Variants in PLCG2 observed in about 807,000 individuals in gnomAD.
The protein encoded by PLCG2 is phospholipase C gamma 2, also known as 1-phosphatidylinositol 4,5-bisphosphate phosphodiesterase gamma-2.
PLCG2 carries 69 observed loss-of-function variants against 175.6 expected under a neutral mutation model. That is an observed-to-expected ratio of 0.39 (90% CI 0.32 to 0.48). PLCG2 has a LOEUF of 0.48. Ranked by LOEUF, PLCG2 falls within the 20% of genes least tolerant of loss-of-function variation. PLCG2 has a pLI of 0.91. For missense variants in PLCG2, 1,798 were observed against 1,650.9 expected (o/e 1.09, Z -1.54); for synonymous variants, 827 against 624.0 (o/e 1.33, Z -4.85).
chr16:81,838,636 G>T lies in PLCG2; in HGVS notation c.194-15808G>T, dbSNP rs532469648. On this transcript the variant is annotated intron_variant, in intron 2 of 32. Coordinates refer to ENST00000564138, the MANE Select transcript of PLCG2 (RefSeq NM_002661.5). Reference sequence around the variant, plus strand: ...GGGTGGGGGCAAGGGGAGGGAGAGCGTTAGGACAAATACCTAATGCCTGCA... The same window carrying T: ...GGGTGGGGGCAAGGGGAGGGAGAGCTTTAGGACAAATACCTAATGCCTGCA... 5.3e-5 allele frequency among the ~76,000 whole-genome samples: 8 copies of T among 152,080 alleles called. No individual in the cohort carries two copies. In the East Asian group the frequency reaches 1.4e-3, roughly 26 times the overall value.
intron 4 of PLCG2, 22 bp downstream of exon 4, chr16:81,858,378 AT>A: frequency 6.5e-7 from 1 of 1,544,638 alleles, no homozygotes; most frequent in Non-Finnish European, 9.0e-7. Context: ...TTGCCTGTTG[AT>A]TTGCGTAGTT....
At chr16:81,809,345 C>A (rs932771556) in intron 2 of PLCG2, among the ~76,000 whole-genome samples, 1 of 152,066 alleles carries the variant, frequency 6.6e-6, no homozygotes, top group Non-Finnish European at 1.5e-5. Context: ...CAGATCAATA[C>A]CCCAGCTCCC....
At chr16:81,791,604 A>C (rs1911234067) in intron 2 of PLCG2, among the ~76,000 whole-genome samples, 1 of 152,120 alleles carries the variant, frequency 6.6e-6, no homozygotes, top group Non-Finnish European at 1.5e-5. Flanking sequence ...AATCTCTGTC[A>C]CCCAGGCTGG....
intron 2 of PLCG2, among the ~76,000 whole-genome samples, chr16:81,815,222 G>C (rs1904490850): frequency 6.6e-6 from 1 of 152,122 alleles, no homozygotes. Context: ...ATTGCATATG[G>C]GGCCTTACTG....
Position 81,956,863 on chromosome 16 carries a change from G to T in PLCG2, c.3739G>T (p.Glu1247Ter). 1 of 1,613,596 alleles carries T rather than the reference G, an allele frequency of 6.2e-7. No individual in the cohort carries two copies. The highest frequency in any genetic ancestry group is 1.1e-5 in the South Asian group (1 of 90,964). The change falls in exon 32 of 33, where the codon GAG becomes TAG. Residue 1247 changes from glutamate (E) to a stop codon, truncating the protein, a stop_gained. Transcript: ENST00000564138. LOFTEE classifies it high-confidence loss of function. The part of the protein sequence containing the change: ...VNENQLQLYQ[E>*]KCNKRLREKR... Reference sequence around the variant, plus strand: ...TGAGAACCAGCTCCAGCTGTACCAGGAGAAATGCAACAAGAGGTAGGTCAG... The same window carrying T: ...TGAGAACCAGCTCCAGCTGTACCAGTAGAAATGCAACAAGAGGTAGGTCAG...
intron 2 of PLCG2, among the ~76,000 whole-genome samples, chr16:81,810,202 G>A (rs1024199940): frequency 1.3e-5 from 2 of 152,094 alleles, no homozygotes; most frequent in Non-Finnish European, 2.9e-5. Flanking sequence ...TCTTGGCCAG[G>A]ATGGTTTCTA....
intron 19 of PLCG2, 77 bp downstream of exon 19, chr16:81,912,793 T>A (rs552407627): frequency 6.8e-7 from 1 of 1,470,116 alleles, no homozygotes; most frequent in African/African-American, 1.4e-5. Context: ...AGGGGGAACT[T>A]CAGGTGGAGG....
At chr16:81,809,485 C>G (rs1904299569) in intron 2 of PLCG2, among the ~76,000 whole-genome samples, 1 of 152,180 alleles carries the variant, frequency 6.6e-6, no homozygotes. Flanking sequence ...CGCTTCCTTC[C>G]CTGTCCACCA....
At chr16:81,837,043 G>C (rs75215849) in intron 2 of PLCG2, among the ~76,000 whole-genome samples, 2,391 of 152,266 alleles carry the variant, frequency 0.016, 77 homozygotes, top group African/African-American at 0.055. Context: ...CTCAACATCA[G>C]TTACAACTCT....
chr16:81,896,789 G>T (rs1038646675), intron 13 of PLCG2, among the ~76,000 whole-genome samples: 1 of 152,144 alleles, frequency 6.6e-6, no homozygotes, highest in Non-Finnish European at 1.5e-5. Context: ...CTTTGTACAG[G>T]TGATCATATT....
chr16:81,921,350 T>C (rs749455850), intron 21 of PLCG2, 81 bp downstream of exon 21: 18 of 951,700 alleles, frequency 1.9e-5, no homozygotes, highest in East Asian at 1.7e-4. Flanking sequence ...ATGGCAGTTA[T>C]AACAGGGCAA....
Position 81,838,012 on chromosome 16 carries a change from G to C in PLCG2, c.194-16432G>C, listed in dbSNP as rs1905615368. On this transcript the variant is annotated intron_variant, in intron 2 of 32. Coordinates refer to ENST00000564138, the MANE Select transcript of PLCG2 (RefSeq NM_002661.5). The stretch of plus-strand genomic sequence containing the variant: ...CTGCCATCATAGTCAAGAGACTAAA[G>C]CAATGTAATGATTTCTTACACCAAT... Among the ~76,000 whole-genome samples the C allele has an allele frequency of 1.3e-5, 2 of 152,094 alleles. 1 individual carries two copies. Among genetic ancestry groups the C allele is most frequent in the South Asian group, 4.1e-4 (2 of 4,832 alleles).
chr16:81,830,384 G>A (rs1905211479), intron 2 of PLCG2, among the ~76,000 whole-genome samples: 1 of 152,140 alleles, frequency 6.6e-6, no homozygotes, highest in Non-Finnish European at 1.5e-5. Flanking sequence ...TTGGCTCACT[G>A]CAACCTCCAC....
chr16:81,861,549 C>T (rs777224311), intron 5 of PLCG2, among the ~76,000 whole-genome samples: 6 of 152,240 alleles, frequency 3.9e-5, no homozygotes, highest in Non-Finnish European at 5.9e-5. Context: ...ATCCAAAATG[C>T]CCTGCCTGCT....
At chr16:81,879,885 A>T (rs1907993927) in intron 7 of PLCG2, among the ~76,000 whole-genome samples, 1 of 152,176 alleles carries the variant, frequency 6.6e-6, no homozygotes, top group African/African-American at 2.4e-5. Context: ...GTGGGCTGTG[A>T]AGAGAGGAGC....
intron 2 of PLCG2, among the ~76,000 whole-genome samples, chr16:81,761,159 AC>A (rs1910033896): frequency 6.6e-6 from 1 of 152,108 alleles, no homozygotes; most frequent in Non-Finnish European, 1.5e-5. Context: ...AGCCTCCCAA[AC>A]TGCTGGCCTT....
rs1315850908 is a variant in PLCG2 at position 81,816,668 on chromosome 16, T to C, written c.193+30486T>C. Among the ~76,000 whole-genome samples, 9 of 141,848 alleles carry C rather than the reference T, an allele frequency of 6.3e-5. 1 individual carries two copies. The East Asian group carries it at 1.2e-3, about 20-fold the overall frequency. The allele number at this position is 141,848 out of a possible 152,430, so 93.1% of individuals were successfully genotyped here. A position where few individuals can be genotyped will look rare whatever the true frequency, so the allele number is the denominator to read the frequency against. ...TAATTTTAATTTTTTTTTTTTTTTT[T>C]TTTTTTTTTTTTTAGTAGAGGTGGG... On this transcript the variant is annotated intron_variant, in intron 2 of 32. Transcript: ENST00000564138.
chr16:81,956,124 G>A (rs939685065), intron 31 of PLCG2, among the ~76,000 whole-genome samples: 1 of 152,106 alleles, frequency 6.6e-6, no homozygotes, highest in African/African-American at 2.4e-5. Flanking sequence ...TGCTAGTTCT[G>A]GACACTTCAT....
intron 1 of PLCG2, among the ~76,000 whole-genome samples, chr16:81,753,342 G>GTTT (rs34438350): frequency 6.0e-4 from 55 of 91,122 alleles, no homozygotes; most frequent in African/African-American, 9.6e-4. Flanking sequence ...GTCCTGGCAG[G>GTTT]TTTTTTTTTT....
Sources: allele counts gnomAD v4.1 joint callset (sites outside exome capture counted in the v4.1 genomes callset), GRCh38; gene constraint gnomAD v4.1.1; transcripts MANE v1.5; gene names NCBI Gene and HGNC (gene_info 2026-07-23, HGNC 2026-07-21).